TENM2: variants seen among roughly 807,000 people sequenced by gnomAD.
TENM2 encodes teneurin transmembrane protein 2.
Under a neutral mutation model 245.2 loss-of-function variants are expected in TENM2, and 52 were observed. The observed-to-expected ratio is 0.21, with a 90% confidence interval of 0.17 to 0.27. The LOEUF (loss-of-function observed/expected upper bound fraction) is 0.27. Ranked by LOEUF, TENM2 falls within the 10% of genes least tolerant of loss-of-function variation. TENM2 has a pLI of 1.00. For missense variants in TENM2, 3,046 were observed against 3,666.8 expected (o/e 0.83, Z 4.37); for synonymous variants, 1,363 against 1,438.9 (o/e 0.95, Z 1.19).
intron 13 of TENM2, among the ~76,000 whole-genome samples, chr5:168,178,027 G>A (rs188001230): frequency 1.7e-3 from 254 of 152,284 alleles, no homozygotes; most frequent in Non-Finnish European, 3.2e-3. Context: ...TGGCAGTCTG[G>A]GGCATTTCTT....
intron 2 of TENM2, among the ~76,000 whole-genome samples, chr5:167,417,171 G>GC (rs1281006608): frequency 6.6e-6 from 1 of 152,148 alleles, no homozygotes; most frequent in African/African-American, 2.4e-5. Context: ...ATAGAAGGGT[G>GC]TCTGTCACTT....
At chr5:167,414,862 G>A (rs538969351) in intron 2 of TENM2, among the ~76,000 whole-genome samples, 45 of 152,078 alleles carry the variant, frequency 3.0e-4, no homozygotes, top group African/African-American at 1.0e-3. Context: ...CCTTTCTGTT[G>A]GTGGAAAAAA....
At chr5:167,551,938 T>G (rs1193769744) in intron 2 of TENM2, among the ~76,000 whole-genome samples, 12 of 152,194 alleles carry the variant, frequency 7.9e-5, no homozygotes, top group Admixed American at 7.9e-4. Flanking sequence ...GTGGGTGAAC[T>G]CCTTCAAGCC....
intron 2 of TENM2, among the ~76,000 whole-genome samples, chr5:167,754,617 T>A (rs544979384): frequency 7.3e-4 from 104 of 143,254 alleles, no homozygotes; most frequent in South Asian, 5.2e-3. Context: ...GAGAATAATT[T>A]AAAAAAAAAA....
the TENM2 span, among the ~76,000 whole-genome samples, chr5:167,015,046 A>C: frequency 6.6e-6 from 1 of 152,214 alleles, no homozygotes; most frequent in South Asian, 2.1e-4. Context: ...TCTTGGGTGC[A>C]GTTTACTGTT....
intron 28 of TENM2, among the ~76,000 whole-genome samples, chr5:168,261,439 C>T (rs921133879): frequency 1.3e-5 from 2 of 152,236 alleles, no homozygotes; most frequent in African/African-American, 4.8e-5. Flanking sequence ...CACACGTAGC[C>T]TCTGACTCAG....
chr5:167,391,311 G>A (rs1761739251), intron 2 of TENM2, among the ~76,000 whole-genome samples: 1 of 152,082 alleles, frequency 6.6e-6, no homozygotes, highest in Non-Finnish European at 1.5e-5. Flanking sequence ...TAGTTTGAAT[G>A]TAGTAGTTGA....
chr5:167,354,606 C>T (rs1457429988), intron 1 of TENM2, among the ~76,000 whole-genome samples: 1 of 152,108 alleles, frequency 6.6e-6, no homozygotes, highest in African/African-American at 2.4e-5. Context: ...TCTTTATATT[C>T]TAGAAAGCAT....
intron 1 of TENM2, among the ~76,000 whole-genome samples, chr5:167,315,406 T>C (rs1756304842): frequency 1.3e-5 from 2 of 152,328 alleles, no homozygotes; most frequent in Admixed American, 1.3e-4. Flanking sequence ...AATTTGGTTT[T>C]CTATATTTTA....
chr5:167,392,875 A>C (rs1761837400), intron 2 of TENM2, among the ~76,000 whole-genome samples: 1 of 152,082 alleles, frequency 6.6e-6, no homozygotes, highest in Non-Finnish European at 1.5e-5. Flanking sequence ...CAAACTAGAA[A>C]CACATTTTCC....
At chr5:167,432,455 G>A (rs909099521) in intron 2 of TENM2, among the ~76,000 whole-genome samples, 1 of 151,678 alleles carries the variant, frequency 6.6e-6, no homozygotes, top group East Asian at 1.9e-4. Context: ...TTTGCTAAAC[G>A]CATTCATTAG....
the TENM2 span, among the ~76,000 whole-genome samples, chr5:167,007,685 C>T: frequency 6.4e-5 from 9 of 139,540 alleles, no homozygotes; most frequent in Non-Finnish European, 1.3e-4. The surrounding 1 kb of genome is among the most constrained non-coding windows in gnomAD (Gnocchi z 4.2). Context: ...TCTAACAGGC[C>T]CCCCACTACC....
At chr5:167,485,319 C>T (rs1156573693) in intron 2 of TENM2, among the ~76,000 whole-genome samples, 2 of 152,168 alleles carry the variant, frequency 1.3e-5, no homozygotes, top group East Asian at 1.9e-4. Flanking sequence ...AACATAAAAA[C>T]AGACTACAAA....
chr5:168,077,138 T>C (rs930737680), intron 7 of TENM2, among the ~76,000 whole-genome samples: 3 of 152,320 alleles, frequency 2.0e-5, no homozygotes, highest in Admixed American at 6.5e-5. Context: ...AGAGCGTGCC[T>C]GGCCTCATTA....
chr5:167,249,082 G>T, the TENM2 span, among the ~76,000 whole-genome samples: 8 of 152,274 alleles, frequency 5.3e-5, no homozygotes, highest in Admixed American at 3.3e-4. Flanking sequence ...CAAGATGACA[G>T]TGGGAAACCC....
the TENM2 span, among the ~76,000 whole-genome samples, chr5:167,030,583 C>A: frequency 2.0e-5 from 3 of 152,288 alleles, no homozygotes; most frequent in South Asian, 6.2e-4. Flanking sequence ...CTCTTAACTT[C>A]CACTTGCTTG....
intron 2 of TENM2, among the ~76,000 whole-genome samples, chr5:167,663,035 C>A (rs1193706363): frequency 1.3e-5 from 2 of 151,998 alleles, no homozygotes; most frequent in Admixed American, 6.6e-5. Context: ...TAAATTATAT[C>A]TTATCTTTCA....
chr5:167,155,429 G>A, the TENM2 span, among the ~76,000 whole-genome samples: 1 of 152,192 alleles, frequency 6.6e-6, no homozygotes, highest in African/African-American at 2.4e-5. Context: ...AAATGCACTA[G>A]TGTGCGTTGA....
At chr5:167,435,350 C>T (rs1439071176) in intron 2 of TENM2, among the ~76,000 whole-genome samples, 1 of 152,104 alleles carries the variant, frequency 6.6e-6, no homozygotes, top group Non-Finnish European at 1.5e-5. Flanking sequence ...ACGCTGTTAT[C>T]GTGATATTGA....
Sources: gnomAD v4.1 joint callset for allele counts (sites outside exome capture counted in the v4.1 genomes callset) on GRCh38, gnomAD v4.1.1 for gene constraint, Gnocchi (gnomAD v3.1) non-coding constraint, MANE v1.5 for transcripts, NCBI Gene and HGNC (gene_info 2026-07-23, HGNC 2026-07-21) for gene names.